Variants in RCOR1 observed in about 807,000 individuals in gnomAD.
The protein encoded by RCOR1 is REST corepressor.
Under a neutral mutation model 64.0 loss-of-function variants are expected in RCOR1, and 12 were observed. That is an observed-to-expected ratio of 0.19 (90% CI 0.12 to 0.30). The LOEUF is 0.30. RCOR1 is among the 10% of genes least tolerant of loss of function. The pLI is 1.00. For synonymous variants in RCOR1, 279 were observed against 227.2 expected, an observed-to-expected ratio of 1.23 and a Z score of -2.05; for missense variants, 502 against 621.2, an observed-to-expected ratio of 0.81 and a Z score of 2.04.
At chr14:102,602,049 C>CT (rs535471132) in intron 2 of RCOR1, among the ~76,000 whole-genome samples, 131 of 151,758 alleles carry the variant, frequency 8.6e-4, no homozygotes, top group African/African-American at 3.1e-3. Flanking sequence ...ATCCCAGCTA[C>CT]TTGGGAGGCT....
chr14:102,639,878 C>T (rs1046843683), intron 2 of RCOR1, among the ~76,000 whole-genome samples: 8 of 150,986 alleles, frequency 5.3e-5, no homozygotes, highest in African/African-American at 7.3e-5. Flanking sequence ...GACGGAGTCT[C>T]GCTCTGTCCC....
Position 102,592,834 on chromosome 14 carries a change from C to A in RCOR1, c.-53C>A. ...GCCCCCTCCCCCGTCTCGGCGCCCC[C>A]TCCTCAGGAGCCGCGGGTCCCCGCC... On this transcript the variant is annotated 5_prime_UTR_variant, in exon 1 of 12. Coordinates refer to ENST00000262241, the MANE Select transcript of RCOR1 (RefSeq NM_015156.4). The A allele has an allele frequency of 8.5e-7, 1 of 1,176,310 alleles. No homozygotes were observed. Among genetic ancestry groups the A allele is most frequent in the Non-Finnish European group, 1.0e-6 (1 of 953,716 alleles). The allele number at this position is 1,176,310 out of a possible 1,614,324, so 72.9% of individuals were successfully genotyped here.
chr14:102,594,678 G>A lies in RCOR1; in HGVS notation c.361+1353G>A, dbSNP rs77498221. ...TCCCCAATTCTTTTTTTTTTTTTTG[G>A]TAGTCACTTCTCGTTTATGAGTGAC... On this transcript the variant is annotated intron_variant, in intron 2 of 11. Coordinates refer to ENST00000262241, the MANE Select transcript of RCOR1 (RefSeq NM_015156.4). Among the ~76,000 whole-genome samples, 3 of 145,896 alleles carry A rather than the reference G, an allele frequency of 2.1e-5. No individual in the cohort carries two copies. In the East Asian group the frequency reaches 5.9e-4, roughly 29 times the overall value.
At chr14:102,686,773 T>G (rs1895429650) in intron 3 of RCOR1, among the ~76,000 whole-genome samples, 1 of 152,234 alleles carries the variant, frequency 6.6e-6, no homozygotes, top group South Asian at 2.1e-4. Flanking sequence ...TTCTTTTTAG[T>G]GCTGAATAAT....
chr14:102,707,251 G>T lies in RCOR1; in HGVS notation c.499-100G>T, dbSNP rs1395549081. 2.8e-5 allele frequency: 28 copies of T among 1,004,956 alleles called. 1 individual carries two copies. The South Asian group carries it at 4.5e-4, about 16-fold the overall frequency. 62.3% of individuals were successfully genotyped at this position (1,004,956 alleles called of 1,614,324 possible). On this transcript the variant is annotated intron_variant, in intron 4 of 11. Transcript: ENST00000262241. ...CTTAGCGCTGTAGATGAGTTAGTTTGTCTAAATATGAAGTCGTTTTTACTT... is the reference window on the plus strand; with the variant it reads ...CTTAGCGCTGTAGATGAGTTAGTTTTTCTAAATATGAAGTCGTTTTTACTT...
chr14:102,600,109 C>T (rs939875553), intron 2 of RCOR1, among the ~76,000 whole-genome samples: 2 of 151,780 alleles, frequency 1.3e-5, no homozygotes, highest in African/African-American at 2.4e-5. Context: ...GACGGAGTCT[C>T]GCTCTGTCAC....
At chr14:102,620,744 T>C (rs1893856679) in intron 2 of RCOR1, among the ~76,000 whole-genome samples, 1 of 152,138 alleles carries the variant, frequency 6.6e-6, no homozygotes, top group African/African-American at 2.4e-5. Context: ...GTAAATTAGC[T>C]GTTCCTCTGT....
At chr14:102,595,283 CTG>C (rs1296310266) in intron 2 of RCOR1, among the ~76,000 whole-genome samples, 1 of 152,212 alleles carries the variant, frequency 6.6e-6, no homozygotes, top group Non-Finnish European at 1.5e-5. Context: ...TGGAGGATCT[CTG>C]GAGCTCAGGA....
intron 2 of RCOR1, among the ~76,000 whole-genome samples, chr14:102,679,279 A>G (rs1485810885): frequency 1.3e-5 from 2 of 152,072 alleles, no homozygotes; most frequent in African/African-American, 4.8e-5. Flanking sequence ...CTGTTTTGAG[A>G]TAATTTTGAG....
Position 102,592,800 on chromosome 14 carries a change from C to A in RCOR1, c.-87C>A. 1 of 1,177,120 alleles carries A rather than the reference C, an allele frequency of 8.5e-7. No homozygotes were observed. Among genetic ancestry groups the A allele is most frequent in the African/African-American group, 1.6e-5 (1 of 61,580 alleles). 72.9% of individuals were successfully genotyped at this position (1,177,120 alleles called of 1,614,324 possible). On this transcript the variant is annotated 5_prime_UTR_variant, in exon 1 of 12. Transcript: ENST00000262241. ...CCGCCGCGCCCGCCCGGCCCCGCGC[C>A]GGCCCCGCGCCCCCTCCCCCGTCTC...
At chr14:102,721,840 CA>C (rs1277923476) in intron 10 of RCOR1, among the ~76,000 whole-genome samples, 2 of 152,070 alleles carry the variant, frequency 1.3e-5, no homozygotes, top group Admixed American at 6.6e-5. Context: ...TACAAAACCC[CA>C]AAAGAAGCAG....
intron 4 of RCOR1, among the ~76,000 whole-genome samples, chr14:102,701,611 GCTTT>G (rs1483630107): frequency 6.6e-6 from 1 of 152,158 alleles, no homozygotes; most frequent in Non-Finnish European, 1.5e-5. Flanking sequence ...TGAGCATAAT[GCTTT>G]CTCATTTGAA....
At chr14:102,635,658 CA>C (rs1314436319) in intron 2 of RCOR1, among the ~76,000 whole-genome samples, 18 of 152,128 alleles carry the variant, frequency 1.2e-4, no homozygotes, top group Middle Eastern at 3.4e-3. Flanking sequence ...CAAGTTGACA[CA>C]TTTTTTTTTC....
chr14:102,646,695 A>G (rs755207529), intron 2 of RCOR1, among the ~76,000 whole-genome samples: 1 of 152,010 alleles, frequency 6.6e-6, no homozygotes, highest in Non-Finnish European at 1.5e-5. Flanking sequence ...ACTAATGATA[A>G]TGAATTAATA....
At position 102,727,640 on chromosome 14, in the gene RCOR1, C is replaced by T. The variant is rs758953942; in HGVS notation, c.*1134C>T. ...TCCTTCATGTGCTGATGTGATTACA[C>T]AAACACCATGCACTCTCTTTTCATA... is the stretch of plus-strand genomic sequence containing the variant. On this transcript the variant is annotated 3_prime_UTR_variant, in exon 12 of 12. Coordinates refer to ENST00000262241, the MANE Select transcript of RCOR1 (RefSeq NM_015156.4). 20 of 152,096 alleles carry T rather than the reference C, an allele frequency of 1.3e-4. No homozygotes were observed. The highest frequency in any genetic ancestry group is 3.1e-4 in the African/African-American group (13 of 41,422). 9.4% of individuals were successfully genotyped at this position (152,096 alleles called of 1,614,324 possible).
Position 102,724,422 on chromosome 14 carries a change from T to C in RCOR1, c.1419+2006T>C, listed in dbSNP as rs141762751. Among the ~76,000 whole-genome samples, 1,098 of 152,188 alleles carry C rather than the reference T, an allele frequency of 7.2e-3. 15 individuals carry two copies. Among genetic ancestry groups the C allele is most frequent in the Middle Eastern group, 0.024 (7 of 292 alleles). On this transcript the variant is annotated intron_variant, in intron 11 of 11. Transcript: ENST00000262241. ...TCACTGCAACCTCCATCTCCCAGGT[T>C]CAAGTGCTTCTCCTGCCTCAGCCCT...
chr14:102,698,330 T>C (rs1895686359), intron 3 of RCOR1, among the ~76,000 whole-genome samples: 1 of 152,206 alleles, frequency 6.6e-6, no homozygotes, highest in Non-Finnish European at 1.5e-5. Context: ...GCAGATAACA[T>C]ATGCCCAAGA....
intron 2 of RCOR1, among the ~76,000 whole-genome samples, chr14:102,597,899 C>A (rs1378144554): frequency 6.6e-6 from 1 of 151,158 alleles, no homozygotes; most frequent in African/African-American, 2.4e-5. Flanking sequence ...CTCGGCTCAC[C>A]TCAACCTCCA....
At chr14:102,661,297 G>T (rs1894819123) in intron 2 of RCOR1, among the ~76,000 whole-genome samples, 1 of 152,064 alleles carries the variant, frequency 6.6e-6, no homozygotes. Context: ...GCAGTGAGTC[G>T]AGATTGTGCC....
Sources: allele counts gnomAD v4.1 joint callset (sites outside exome capture counted in the v4.1 genomes callset), GRCh38; gene constraint gnomAD v4.1.1; transcripts MANE v1.5; gene names NCBI Gene and HGNC (gene_info 2026-07-23, HGNC 2026-07-21).